SORCS3: variants seen among roughly 807,000 people sequenced by gnomAD.
SORCS3 encodes the protein VPS10 domain-containing receptor SorCS3.
SORCS3 carries 57 observed loss-of-function variants against 146.3 expected under a neutral mutation model. The ratio of observed to expected loss-of-function variants is 0.39; its 90% CI spans 0.31 to 0.49. The LOEUF is 0.49. Among genes scored for constraint, SORCS3 ranks in the 20% least tolerant of loss-of-function variants. The pLI is 0.92. For missense variants in SORCS3, 1,341 were observed against 1,575.5 expected (o/e 0.85, Z 2.52); for synonymous variants, 653 against 618.5 (o/e 1.06, Z -0.83).
intron 1 of SORCS3, among the ~76,000 whole-genome samples, chr10:104,719,638 T>C (rs2016519960): frequency 6.6e-6 from 1 of 152,200 alleles, no homozygotes; most frequent in Non-Finnish European, 1.5e-5. Flanking sequence ...GCCTCCAGGA[T>C]TGTTTTGAGG....
chr10:104,846,282 A>T (rs762172185), intron 2 of SORCS3, among the ~76,000 whole-genome samples: 1 of 152,132 alleles, frequency 6.6e-6, no homozygotes, highest in Non-Finnish European at 1.5e-5. Flanking sequence ...TCTTCTAAAG[A>T]TCTGTATCTC....
intron 2 of SORCS3, among the ~76,000 whole-genome samples, chr10:104,859,455 C>T (rs2018375187): frequency 6.6e-6 from 1 of 152,108 alleles, no homozygotes; most frequent in Non-Finnish European, 1.5e-5. Context: ...GACCTAAAGC[C>T]ATAAAAACCC....
chr10:104,839,187 A>G (rs549505892), intron 1 of SORCS3, among the ~76,000 whole-genome samples: 53 of 152,290 alleles, frequency 3.5e-4, no homozygotes, highest in African/African-American at 1.3e-3. Flanking sequence ...CCCTACCTTA[A>G]GTTGTTTAGA....
intron 7 of SORCS3, among the ~76,000 whole-genome samples, chr10:105,115,760 A>G (rs1476069131): frequency 6.6e-6 from 1 of 152,152 alleles, no homozygotes; most frequent in Non-Finnish European, 1.5e-5. Flanking sequence ...TATCTTTCTG[A>G]AAAAAACCCT....
chr10:105,191,870 C>T (rs1409111399), intron 14 of SORCS3, among the ~76,000 whole-genome samples: 2 of 152,184 alleles, frequency 1.3e-5, no homozygotes, highest in African/African-American at 2.4e-5. Flanking sequence ...TCACCTCCTG[C>T]TGTGCGGCCC....
chr10:105,247,777 A>G (rs2056876083), intron 22 of SORCS3, among the ~76,000 whole-genome samples: 2 of 152,134 alleles, frequency 1.3e-5, no homozygotes, highest in South Asian at 2.1e-4. Context: ...AAGAAAAAGC[A>G]AGAATTGTAG....
intron 1 of SORCS3, among the ~76,000 whole-genome samples, chr10:104,703,711 G>GTTT (rs11338927): frequency 3.9e-4 from 53 of 135,382 alleles, no homozygotes; most frequent in Admixed American, 9.8e-4. Flanking sequence ...CATGTATCCT[G>GTTT]TTTTTTTTTT....
At chr10:104,808,790 A>T (rs773075476) in intron 1 of SORCS3, among the ~76,000 whole-genome samples, 13 of 152,334 alleles carry the variant, frequency 8.5e-5, no homozygotes, top group Admixed American at 5.2e-4. Flanking sequence ...TATGAAGCAG[A>T]TACTAGAATT....
chr10:104,759,489 T>G (rs1378666909), intron 1 of SORCS3, among the ~76,000 whole-genome samples: 3 of 152,190 alleles, frequency 2.0e-5, no homozygotes, highest in African/African-American at 7.2e-5. Flanking sequence ...TCACTGCCAT[T>G]CCAACAGAAC....
At chr10:105,194,461 C>T (rs934867119) in intron 14 of SORCS3, among the ~76,000 whole-genome samples, 1 of 152,030 alleles carries the variant, frequency 6.6e-6, no homozygotes, top group Non-Finnish European at 1.5e-5. Flanking sequence ...CAAAAGGGGG[C>T]TAGCAATGGG....
At chr10:104,644,404 A>G (rs115514329) in intron 1 of SORCS3, among the ~76,000 whole-genome samples, 2 of 152,344 alleles carry the variant, frequency 1.3e-5, no homozygotes, top group African/African-American at 4.8e-5. Flanking sequence ...AAGAAGATGG[A>G]GAAGCATACT....
chr10:105,198,616 C>T (rs1589684396), intron 14 of SORCS3, among the ~76,000 whole-genome samples: 2 of 152,258 alleles, frequency 1.3e-5, no homozygotes, highest in Middle Eastern at 6.8e-3. Flanking sequence ...ACCAAGACTA[C>T]AAGAGAACAG....
At chr10:104,642,176 C>T (rs148104880) in intron 1 of SORCS3, among the ~76,000 whole-genome samples, 24 of 152,158 alleles carry the variant, frequency 1.6e-4, no homozygotes, top group Non-Finnish European at 2.8e-4. Flanking sequence ...CCCTAGGCTT[C>T]GGCCGCCGGG....
chr10:104,838,283 C>CT (rs1276445246), intron 1 of SORCS3, among the ~76,000 whole-genome samples: 1 of 152,124 alleles, frequency 6.6e-6, no homozygotes, highest in African/African-American at 2.4e-5. Context: ...ACTCTCATCT[C>CT]TTTCTGGTCC....
At chr10:104,955,293 T>G (rs2019476778) in intron 3 of SORCS3, among the ~76,000 whole-genome samples, 1 of 150,738 alleles carries the variant, frequency 6.6e-6, no homozygotes, top group East Asian at 1.9e-4. Flanking sequence ...TTGTTTCTGC[T>G]GCTTCTTACC....
Position 105,057,090 on chromosome 10 carries a change from A to G in SORCS3, c.1028+13962A>G, listed in dbSNP as rs114764735. 5.9e-3 allele frequency among the ~76,000 whole-genome samples: 899 copies of G among 152,222 alleles called. 12 individuals are homozygous for G. The highest frequency in any genetic ancestry group is 0.021 in the African/African-American group (861 of 41,542). ...AAGTTAGAGTGGGAAGAACCATGAGAGATTATGTGGTCTAGTGATTTCTCC... is the reference window on the plus strand; with the variant it reads ...AAGTTAGAGTGGGAAGAACCATGAGGGATTATGTGGTCTAGTGATTTCTCC... On this transcript the variant is annotated intron_variant, in intron 5 of 26. Coordinates refer to ENST00000369701, the MANE Select transcript of SORCS3 (RefSeq NM_014978.3).
intron 3 of SORCS3, among the ~76,000 whole-genome samples, chr10:104,940,236 ATATT>A (rs1431105027): frequency 1.7e-4 from 4 of 23,614 alleles, no homozygotes; most frequent in African/African-American, 3.9e-4. Flanking sequence ...ATATATATAT[ATATT>A]TTTTTTTTTT....
chr10:104,647,362 C>G (rs1223850129), intron 1 of SORCS3, among the ~76,000 whole-genome samples: 1 of 152,178 alleles, frequency 6.6e-6, no homozygotes, highest in South Asian at 2.1e-4. Context: ...TAGCTCAGTT[C>G]AACATTCAGA....
chr10:104,677,476 G>A (rs752594725), intron 1 of SORCS3, among the ~76,000 whole-genome samples: 12 of 152,180 alleles, frequency 7.9e-5, no homozygotes, highest in African/African-American at 2.9e-4. Flanking sequence ...TAATGTATTC[G>A]GGATGTTCCT....
Sources: gnomAD v4.1 joint callset for allele counts (sites outside exome capture counted in the v4.1 genomes callset) on GRCh38, gnomAD v4.1.1 for gene constraint, MANE v1.5 for transcripts, NCBI Gene and HGNC (gene_info 2026-07-23, HGNC 2026-07-21) for gene names.